The following EXOC4 variants were observed in gnomAD, a reference collection of about 807,000 sequenced individuals.
The protein encoded by EXOC4 is exocyst complex component 4.
In EXOC4, 71 loss-of-function variants were observed where a neutral mutation model predicts 107.2. The ratio of observed to expected loss-of-function variants is 0.66; its 90% CI spans 0.55 to 0.81. The LOEUF (loss-of-function observed/expected upper bound fraction) is 0.81. EXOC4 is among the 30% of genes least tolerant of loss of function. The pLI is 0.00. For synonymous variants in EXOC4, 456 were observed against 441.2 expected, an observed-to-expected ratio of 1.03 and a Z score of -0.42; for missense variants, 1,108 against 1,189.6, an observed-to-expected ratio of 0.93 and a Z score of 1.01.
rs1149556 is a variant in EXOC4, at chr7:133,377,219, T to G, written c.1182+2217T>G. ...ATACAAAAAAATTAGCTGGGCGTGG[T>G]GGCAGGCACCTGTAATCCCAGCTAC... is the stretch of plus-strand genomic sequence containing the variant. On this transcript the variant is annotated intron_variant, in intron 7 of 17. Coordinates refer to ENST00000253861, the MANE Select transcript of EXOC4 (RefSeq NM_021807.4). 4.2e-4 allele frequency among the ~76,000 whole-genome samples: 64 copies of G among 152,224 alleles called. 1 individual carries two copies. In the East Asian group the frequency reaches 0.012, roughly 28 times the overall value.
chr7:133,757,116 C>T (rs549724502), intron 10 of EXOC4, among the ~76,000 whole-genome samples: 1 of 152,270 alleles, frequency 6.6e-6, no homozygotes, highest in African/African-American at 2.4e-5. Context: ...TGTTCAGATG[C>T]TTACATGCTG....
intron 10 of EXOC4, among the ~76,000 whole-genome samples, chr7:133,694,183 C>T (rs1348927809): frequency 6.6e-6 from 1 of 150,594 alleles, no homozygotes; most frequent in Non-Finnish European, 1.5e-5. Flanking sequence ...ATTGCTTGAA[C>T]CCGGGAGGCA....
At chr7:133,902,221 A>C (rs1189879597) in intron 12 of EXOC4, among the ~76,000 whole-genome samples, 1 of 152,222 alleles carries the variant, frequency 6.6e-6, no homozygotes, top group African/African-American at 2.4e-5. Context: ...CCTGTGTGTC[A>C]GGATACCTTC....
chr7:133,710,280 G>A (rs1009750669), intron 10 of EXOC4, among the ~76,000 whole-genome samples: 3 of 152,018 alleles, frequency 2.0e-5, no homozygotes, highest in Non-Finnish European at 2.9e-5. Flanking sequence ...CAAAGGCCTG[G>A]GTCAGTGCAT....
At chr7:133,633,484 C>T (rs1202985003) in intron 10 of EXOC4, among the ~76,000 whole-genome samples, 3 of 152,070 alleles carry the variant, frequency 2.0e-5, no homozygotes, top group African/African-American at 4.8e-5. Context: ...CTTGGGAAGC[C>T]GAGGTGGGTG....
rs560083712 is a variant in EXOC4 at position 133,804,857 on chromosome 7, C to T, written c.1515-12468C>T. On this transcript the variant is annotated intron_variant, in intron 10 of 17. Coordinates refer to ENST00000253861, the MANE Select transcript of EXOC4 (RefSeq NM_021807.4). Reference sequence around the variant, plus strand: ...TCACAACTTTCTTTTTTTCCTTTCACCATCTTTCTTCCTTATCTTGCTTAG... The same window carrying T: ...TCACAACTTTCTTTTTTTCCTTTCATCATCTTTCTTCCTTATCTTGCTTAG... Among the ~76,000 whole-genome samples, 567 of 152,234 alleles carry T rather than the reference C, an allele frequency of 3.7e-3. 4 individuals are homozygous for T. Among genetic ancestry groups the T allele is most frequent in the African/African-American group, 0.013 (537 of 41,564 alleles).
At chr7:133,763,719 G>A (rs1796080599) in intron 10 of EXOC4, among the ~76,000 whole-genome samples, 1 of 151,206 alleles carries the variant, frequency 6.6e-6, no homozygotes, top group Admixed American at 6.6e-5. Context: ...AAAAAAGATT[G>A]CAACAGCAAA....
intron 2 of EXOC4, among the ~76,000 whole-genome samples, chr7:133,279,731 A>AACATGAGACCATCC (rs1563000066): frequency 1.3e-5 from 2 of 152,064 alleles, no homozygotes; most frequent in Non-Finnish European, 2.9e-5. Context: ...GTTACCCAGG[A>AACATGAGACCATCC]TGGTCTCAAA....
chr7:133,348,178 A>G (rs1795828394), intron 5 of EXOC4, among the ~76,000 whole-genome samples: 5 of 152,150 alleles, frequency 3.3e-5, no homozygotes, highest in Admixed American at 2.6e-4. Context: ...TAGACTAGTC[A>G]TGGTTGATTA....
chr7:134,013,052 C>G (rs1001790111), intron 17 of EXOC4, among the ~76,000 whole-genome samples: 5 of 152,136 alleles, frequency 3.3e-5, no homozygotes, highest in Admixed American at 3.3e-4. Context: ...AGTAGGAATA[C>G]GCTTCAAATG....
At chr7:133,817,567 C>A in intron 11 of EXOC4, 23 bp downstream of exon 11, 1 of 1,526,728 alleles carries the variant, frequency 6.5e-7, no homozygotes, top group Non-Finnish European at 9.0e-7. Context: ...TTTGAACTTA[C>A]TATTTTTATC....
intron 7 of EXOC4, among the ~76,000 whole-genome samples, chr7:133,464,784 A>G (rs1007148510): frequency 5.8e-5 from 5 of 86,026 alleles, no homozygotes; most frequent in African/African-American, 1.3e-4. Context: ...CAGTAGCTGA[A>G]GTTTTTTTTT....
At chr7:133,272,886 T>C (rs1175648016) in intron 1 of EXOC4, among the ~76,000 whole-genome samples, 1 of 152,186 alleles carries the variant, frequency 6.6e-6, no homozygotes, top group Non-Finnish European at 1.5e-5. Flanking sequence ...AGAAAAGGTG[T>C]TCTCTCTGGG....
At chr7:133,327,156 C>T (rs1226608587) in intron 5 of EXOC4, among the ~76,000 whole-genome samples, 4 of 152,238 alleles carry the variant, frequency 2.6e-5, no homozygotes, top group Non-Finnish European at 4.4e-5. Context: ...TTGTGCTTCC[C>T]GAGTGAGGCG....
chr7:134,078,203 C>T, the EXOC4 span, among the ~76,000 whole-genome samples: 2 of 151,828 alleles, frequency 1.3e-5, no homozygotes, highest in Non-Finnish European at 2.9e-5. Flanking sequence ...ATTTGAACTC[C>T]TGTAGTATTA....
At chr7:133,952,374 A>G (rs893853747) in intron 14 of EXOC4, among the ~76,000 whole-genome samples, 5 of 152,186 alleles carry the variant, frequency 3.3e-5, no homozygotes, top group African/African-American at 4.8e-5. Context: ...CACAGGGGTG[A>G]CAATGATCTG....
intron 12 of EXOC4, among the ~76,000 whole-genome samples, chr7:133,898,320 C>T (rs1364149728): frequency 6.6e-6 from 1 of 152,048 alleles, no homozygotes; most frequent in East Asian, 1.9e-4. Context: ...AGCCACTATT[C>T]TAGGTTAATT....
intron 17 of EXOC4, among the ~76,000 whole-genome samples, chr7:134,009,376 A>G (rs2116352902): frequency 6.6e-6 from 1 of 152,272 alleles, no homozygotes; most frequent in Middle Eastern, 3.4e-3. Context: ...TATGAACCAT[A>G]TATGTTCATT....
At chr7:133,407,064 C>T (rs1331191409) in intron 7 of EXOC4, among the ~76,000 whole-genome samples, 2 of 152,124 alleles carry the variant, frequency 1.3e-5, no homozygotes, top group Admixed American at 6.5e-5. Flanking sequence ...CTGTGTTTGT[C>T]CTTGCTAAGT....
Sources: allele counts gnomAD v4.1 joint callset (sites outside exome capture counted in the v4.1 genomes callset), GRCh38; gene constraint gnomAD v4.1.1; transcripts MANE v1.5; gene names NCBI Gene and HGNC (gene_info 2026-07-23, HGNC 2026-07-21).